PUDP: variants seen among roughly 807,000 people sequenced by gnomAD.
PUDP encodes pseudouridine 5'-phosphatase.
In PUDP, 8 loss-of-function variants were observed where a neutral mutation model predicts 9.4. The ratio of observed to expected loss-of-function variants is 0.85; its 90% CI spans 0.50 to 1.53. The LOEUF is 1.53. Ranked by LOEUF, PUDP falls within the 40% of genes most tolerant of loss-of-function variation. The pLI is 0.00. For synonymous variants in PUDP, 99 were observed against 80.7 expected (o/e 1.23, Z -1.22); for missense variants, 188 against 189.7 (o/e 0.99, Z 0.05).
intron 3 of PUDP, among the ~76,000 whole-genome samples, chrX:7,052,909 G>A (rs1289138562): frequency 8.9e-6 from 1 of 111,785 alleles, no homozygotes. Context: ...TAGGACGCGA[G>A]AAGAAATGAC....
chrX:6,773,444 C>A (rs746349638), intron 3 of PUDP, among the ~76,000 whole-genome samples: 2 of 111,723 alleles, frequency 1.8e-5, no homozygotes, highest in Non-Finnish European at 3.8e-5. Flanking sequence ...CCTGGAGCTG[C>A]GTTTCCCACA....
chrX:6,751,449 C>G (rs1023074578), intron 3 of PUDP, among the ~76,000 whole-genome samples: 1 of 111,551 alleles, frequency 9.0e-6, no homozygotes, highest in Non-Finnish European at 1.9e-5. Context: ...TCACAATTGC[C>G]TCTTCCATTT....
chrX:7,109,751 G>C, intron 1 of PUDP, among the ~76,000 whole-genome samples: 1 of 112,458 alleles, frequency 8.9e-6, no homozygotes, highest in East Asian at 2.8e-4. Flanking sequence ...AAGGGACAGC[G>C]TTGTGAAAGG....
At chrX:7,052,153 C>T (rs938793735) in intron 3 of PUDP, among the ~76,000 whole-genome samples, 1 of 110,361 alleles carries the variant, frequency 9.1e-6, no homozygotes, top group Non-Finnish European at 1.9e-5. Flanking sequence ...ATGCCTCAGC[C>T]TCCCAAGCAG....
chrX:7,088,899 T>C (rs1300108956), intron 2 of PUDP, among the ~76,000 whole-genome samples: 1 of 112,317 alleles, frequency 8.9e-6, no homozygotes, highest in Admixed American at 9.5e-5. Context: ...TCTCTGACTC[T>C]AACGTTGGCT....
intron 3 of PUDP, among the ~76,000 whole-genome samples, chrX:6,929,165 T>C (rs1928152338): frequency 1.8e-5 from 2 of 112,276 alleles, no homozygotes; most frequent in African/African-American, 3.2e-5. Context: ...GCAGTTAAAT[T>C]TGAATGTCAG....
At chrX:6,709,552 G>A (rs1037492637) in intron 1 of PUDP, among the ~76,000 whole-genome samples, 8 of 112,077 alleles carry the variant, frequency 7.1e-5, no homozygotes, top group African/African-American at 1.3e-4. Context: ...GGTTTAGTAC[G>A]AGAGTCATTG....
chrX:6,917,211 A>T (rs6638638), intron 3 of PUDP, among the ~76,000 whole-genome samples: 22,763 of 109,994 alleles, frequency 0.21, 1,912 homozygotes, highest in Admixed American at 0.35. Context: ...TGAAAATTTT[A>T]AAAAAATTAG....
intron 1 of PUDP, among the ~76,000 whole-genome samples, chrX:7,125,078 TAA>T (rs201549016): frequency 4.1e-3 from 448 of 110,084 alleles, no homozygotes; most frequent in African/African-American, 0.014. Flanking sequence ...ATTCACAACC[TAA>T]AGTCAATGAA....
At chrX:6,917,293 G>T (rs760217614) in intron 3 of PUDP, among the ~76,000 whole-genome samples, 1 of 110,423 alleles carries the variant, frequency 9.1e-6, no homozygotes, top group South Asian at 3.9e-4. Flanking sequence ...CTTGAACCCA[G>T]GAGGTCGAAA....
intron 1 of PUDP, among the ~76,000 whole-genome samples, chrX:6,719,843 T>G (rs947035969): frequency 2.5e-4 from 28 of 111,947 alleles, no homozygotes; most frequent in African/African-American, 8.4e-4. Context: ...CACAACATGG[T>G]AAGCTTCAAA....
chrX:7,108,635 C>A (rs1931952699), intron 1 of PUDP, among the ~76,000 whole-genome samples: 1 of 112,763 alleles, frequency 8.9e-6, no homozygotes, highest in African/African-American at 3.2e-5. Context: ...AATCCACCCA[C>A]AGCTGCATCT....
intron 3 of PUDP, among the ~76,000 whole-genome samples, chrX:6,957,915 C>A (rs1383658816): frequency 1.8e-5 from 2 of 111,773 alleles, no homozygotes; most frequent in African/African-American, 6.5e-5. Context: ...CTTTGGAAGA[C>A]CAAGGTGGGT....
At chrX:7,012,093 A>C (rs1209052303) in intron 1 of PUDP, among the ~76,000 whole-genome samples, 1 of 112,043 alleles carries the variant, frequency 8.9e-6, no homozygotes, top group Non-Finnish European at 1.9e-5. Flanking sequence ...TTAGAGTAAA[A>C]ATTGAGTGAT....
chrX:6,911,437 G>A (rs754074966), intron 3 of PUDP, among the ~76,000 whole-genome samples: 5 of 111,119 alleles, frequency 4.5e-5, no homozygotes, highest in African/African-American at 6.5e-5. Context: ...CAAATGATCC[G>A]CCCACGTCAG....
rs983055718 is a variant in PUDP at position 6,978,322 on chromosome X, G to A, written c.226C>T (p.Pro76Ser). Reference sequence around the variant, plus strand: ...TTGTGCTAAGTCCCATCTTCAGTAGGAAATGCCATGTAATGTTCTTTCTAA... The same window carrying A: ...TTGTGCTAAGTCCCATCTTCAGTAGAAAATGCCATGTAATGTTCTTTCTAA... Residue 76 changes from proline (P) to serine (S), a missense_variant and NMD_transcript_variant, in exon 2 of 4, where the codon CCT (proline) becomes TCT (serine). Pro to Ser is a moderately conservative substitution (Grantham distance 74). Transcript: ENST00000655425. 5.7e-5 allele frequency among the ~76,000 whole-genome samples: 6 copies of A among 105,667 alleles called. No homozygotes were observed. In the East Asian group the frequency reaches 1.8e-3, roughly 32 times the overall value. 91.8% of individuals were successfully genotyped at this position (105,667 alleles called of 115,157 possible).
intron 3 of PUDP, among the ~76,000 whole-genome samples, chrX:6,897,165 G>A (rs1052879480): frequency 1.8e-5 from 2 of 111,187 alleles, no homozygotes; most frequent in African/African-American, 6.6e-5. Flanking sequence ...TCAGGAAGAG[G>A]GCAGACAGCA....
chrX:6,939,485 A>G (rs1677050362), intron 3 of PUDP, among the ~76,000 whole-genome samples: 1 of 109,161 alleles, frequency 9.2e-6, no homozygotes, highest in South Asian at 3.7e-4. Flanking sequence ...GAAATAATCT[A>G]TTATTTTAAT....
At chrX:6,794,111 T>G (rs1449873031) in intron 3 of PUDP, among the ~76,000 whole-genome samples, 4 of 112,229 alleles carry the variant, frequency 3.6e-5, no homozygotes, top group African/African-American at 1.3e-4. Flanking sequence ...TTAAAAAGCA[T>G]ATGTATATTC....
Sources: allele counts gnomAD v4.1 joint callset (sites outside exome capture counted in the v4.1 genomes callset), GRCh38; gene constraint gnomAD v4.1.1; transcripts MANE v1.5; gene names NCBI Gene and HGNC (gene_info 2026-07-23, HGNC 2026-07-21).